The following DAPK1 variants were observed in gnomAD, a reference collection of about 807,000 sequenced individuals.
DAPK1 encodes death-associated protein kinase 1.
DAPK1 carries 56 observed loss-of-function variants against 144.9 expected under a neutral mutation model. The observed-to-expected ratio is 0.39, with a 90% CI of 0.31 to 0.48. The LOEUF is 0.48. Ranked by LOEUF, DAPK1 falls within the 20% of genes least tolerant of loss-of-function variation. DAPK1 has a pLI of 0.95. For missense variants in DAPK1, 1,454 were observed against 1,875.4 expected, an observed-to-expected ratio of 0.78 and a Z score of 4.15; for synonymous variants, 690 against 749.0, an observed-to-expected ratio of 0.92 and a Z score of 1.29.
intron 2 of DAPK1, among the ~76,000 whole-genome samples, chr9:87,532,051 C>T (rs1470223497): frequency 6.6e-6 from 1 of 152,134 alleles, no homozygotes; most frequent in African/African-American, 2.4e-5. Context: ...TTCTTTCTGG[C>T]CAAATTGGGA....
chr9:87,571,473 A>ACACCCCC (rs377253457), intron 2 of DAPK1, among the ~76,000 whole-genome samples: 2 of 57,620 alleles, frequency 3.5e-5, no homozygotes, highest in African/African-American at 7.7e-5. Flanking sequence ...ACACACACAC[A>ACACCCCC]CCAACACACA....
chr9:87,521,931 A>C (rs1825311855), intron 2 of DAPK1, among the ~76,000 whole-genome samples: 1 of 152,178 alleles, frequency 6.6e-6, no homozygotes, highest in African/African-American at 2.4e-5. Context: ...TTATCGTGGG[A>C]GTGCCACTGG....
chr9:87,605,152 G>T lies in DAPK1; in HGVS notation c.261G>T (p.Thr87=), dbSNP rs1447490985. ...TGCACGAGGTCTATGAGAACAAGAC[G>T]GACGTCATCCTGATCTTGGAACTGT... ...ITLHEVYENK[T]DVILILELVA... The change falls in exon 3 of 26, where the codon ACG becomes ACT. Residue 87 remains threonine (T), a synonymous_variant. Coordinates refer to ENST00000408954, the MANE Select transcript of DAPK1 (RefSeq NM_004938.4). 6.2e-7 allele frequency: 1 copy of T among 1,613,850 alleles called. No individual in the cohort carries two copies. Among genetic ancestry groups the T allele is most frequent in the East Asian group, 2.2e-5 (1 of 44,868 alleles).
intron 2 of DAPK1, among the ~76,000 whole-genome samples, chr9:87,545,094 C>T (rs1459636624): frequency 1.3e-5 from 2 of 152,196 alleles, no homozygotes; most frequent in Non-Finnish European, 2.9e-5. Flanking sequence ...AGATTATCAT[C>T]AGCTATCCCT....
chr9:87,511,668 T>TTGTGTGTGTGTGTGTGTGTG (rs59377718), intron 2 of DAPK1, among the ~76,000 whole-genome samples: 78 of 140,740 alleles, frequency 5.5e-4, no homozygotes, highest in East Asian at 5.2e-3. Context: ...TCTTTTTCTT[T>TTGTGTGTGTGTGTGTGTGTG]TGTGTGTGTG....
At chr9:87,538,627 C>A (rs1460474845) in intron 2 of DAPK1, among the ~76,000 whole-genome samples, 2 of 152,146 alleles carry the variant, frequency 1.3e-5, no homozygotes, top group Non-Finnish European at 2.9e-5. Context: ...ATAAGTGAGA[C>A]CCAGTATTGA....
At chr9:87,612,218 G>A (rs1828954047) in intron 3 of DAPK1, among the ~76,000 whole-genome samples, 1 of 152,168 alleles carries the variant, frequency 6.6e-6, no homozygotes, top group South Asian at 2.1e-4. Context: ...TTGAGTTTTG[G>A]AGAGGACAAA....
intron 12 of DAPK1, among the ~76,000 whole-genome samples, 158 bp from the exon 13 acceptor site, chr9:87,646,303 G>A (rs36212722): frequency 0.016 from 2,386 of 152,356 alleles, 79 homozygotes; most frequent in African/African-American, 0.053. Context: ...GGGAAGGAAA[G>A]GTTTTATACC....
In DAPK1 at chr9:87,640,393, G is replaced by T. The variant is rs1453200341; in HGVS notation, c.725G>T (p.Ser242Ile). ...TACGAATTTGAGGATGAATACTTCA[G>T]TAATACCAGTGCCCTAGCCAAAGAT... ...VNYEFEDEYF[S>I]NTSALAKDFI... The change falls in exon 8 of 26, where the codon AGT (serine) becomes ATT (isoleucine). Residue 242 changes from serine to isoleucine, a missense_variant. This residue lies in a region of DAPK1 where 429 missense variants were observed against 637.5 expected (regional missense o/e 0.67). Transcript: ENST00000408954. 3 of 1,614,232 alleles carry T rather than the reference G, an allele frequency of 1.9e-6. No individual in the cohort carries two copies. Among genetic ancestry groups the T allele is most frequent in the African/African-American group, 1.3e-5 (1 of 75,076 alleles).
intron 2 of DAPK1, among the ~76,000 whole-genome samples, chr9:87,584,497 G>A (rs1440556634): frequency 6.6e-6 from 1 of 152,190 alleles, no homozygotes; most frequent in African/African-American, 2.4e-5. Flanking sequence ...CCATATGGTA[G>A]TTCTATTTTT....
chr9:87,675,409 C>T (rs1564064037), intron 19 of DAPK1, among the ~76,000 whole-genome samples: 1 of 151,858 alleles, frequency 6.6e-6, no homozygotes, highest in Non-Finnish European at 1.5e-5. Context: ...TGCAAGGGGC[C>T]GGGTAGTGAA....
intron 18 of DAPK1, among the ~76,000 whole-genome samples, chr9:87,661,958 C>T (rs1322868056): frequency 2.6e-5 from 4 of 152,216 alleles, no homozygotes; most frequent in Non-Finnish European, 5.9e-5. Flanking sequence ...AATTTAAGAT[C>T]TTCCATTTAA....
intron 3 of DAPK1, among the ~76,000 whole-genome samples, chr9:87,609,782 G>A (rs532204762): frequency 6.6e-6 from 1 of 152,300 alleles, no homozygotes; most frequent in South Asian, 2.1e-4. Context: ...TGAATCTTCT[G>A]GTTCAGTAGT....
intron 2 of DAPK1, among the ~76,000 whole-genome samples, chr9:87,506,026 C>A (rs1824577302): frequency 6.6e-6 from 1 of 152,208 alleles, no homozygotes; most frequent in Non-Finnish European, 1.5e-5. Context: ...GAGTGACCAG[C>A]ATTGCCTCCC....
At chr9:87,501,022 G>C (rs1031220266) in intron 2 of DAPK1, among the ~76,000 whole-genome samples, 1 of 152,110 alleles carries the variant, frequency 6.6e-6, no homozygotes, top group African/African-American at 2.4e-5. Flanking sequence ...GTCTGCCTTG[G>C]ATGTAGCCAC....
Position 87,698,731 on chromosome 9 carries a change from G to T in DAPK1, c.2687G>T (p.Arg896Leu), listed in dbSNP as rs749179181. 6.2e-7 allele frequency: 1 copy of T among 1,602,648 alleles called. No individual in the cohort carries two copies. The highest frequency in any genetic ancestry group is 8.6e-7 in the Non-Finnish European group (1 of 1,169,548). Reference protein sequence around the residue: ...ATHADIMNVPRPAGGEFGYDK... With the variant: ...ATHADIMNVPLPAGGEFGYDK... ...CACGCTGACATCATGAATGTTCCTC[G>T]ACCGGCTGGAGGCGAGTTTGGATAT... The change falls in exon 23 of 26, where the codon CGA (arginine) becomes CTA (leucine). Residue 896 changes from arginine to leucine, a missense_variant. Physicochemically the swap from Arg to Leu is moderately radical, Grantham distance 102 (BLOSUM62 -2). This residue lies in a region of DAPK1 where 1,025 missense variants were observed against 1,237.9 expected (regional missense o/e 0.83). Transcript: ENST00000408954.
At chr9:87,574,875 C>T (rs985289992) in intron 2 of DAPK1, among the ~76,000 whole-genome samples, 5 of 149,650 alleles carry the variant, frequency 3.3e-5, no homozygotes, top group Non-Finnish European at 3.0e-5. Flanking sequence ...GAGCTGAGAT[C>T]ATGCCACGGC....
intron 2 of DAPK1, among the ~76,000 whole-genome samples, chr9:87,532,938 A>G (rs1447564096): frequency 6.6e-6 from 1 of 152,200 alleles, no homozygotes; most frequent in African/African-American, 2.4e-5. Flanking sequence ...AATAAGTTAC[A>G]GATGTTAGTA....
intron 25 of DAPK1, among the ~76,000 whole-genome samples, chr9:87,704,863 C>A (rs993469145): frequency 6.6e-6 from 1 of 152,178 alleles, no homozygotes; most frequent in African/African-American, 2.4e-5. Flanking sequence ...GTGAGGGAGT[C>A]CAGGGCGATG....
Sources: gnomAD v4.1 joint callset for allele counts (sites outside exome capture counted in the v4.1 genomes callset) on GRCh38, gnomAD v4.1.1 for gene constraint, gnomAD v4.1.1 regional missense constraint, MANE v1.5 for transcripts, NCBI Gene and HGNC (gene_info 2026-07-23, HGNC 2026-07-21) for gene names.